The following APPBP2 variants were observed in gnomAD, a reference collection of about 807,000 sequenced individuals.
APPBP2 encodes amyloid beta precursor protein binding protein 2.
Under a neutral mutation model 76.0 loss-of-function variants are expected in APPBP2, and 15 were observed. The ratio of observed to expected loss-of-function variants is 0.20; its 90% CI spans 0.13 to 0.30. The LOEUF is 0.30. Ranked by LOEUF, APPBP2 falls within the 10% of genes least tolerant of loss-of-function variation. The probability of loss-of-function intolerance (pLI) is 1.00; values close to 1 mark genes in which losing one functional copy is unlikely to be tolerated. For missense variants in APPBP2, 401 were observed against 687.2 expected (o/e 0.58, Z 4.66); for synonymous variants, 222 against 242.2 (o/e 0.92, Z 0.77).
chr17:60,470,167 G>T (rs1049143084), intron 4 of APPBP2, among the ~76,000 whole-genome samples: 2 of 152,132 alleles, frequency 1.3e-5, no homozygotes, highest in African/African-American at 4.8e-5. Context: ...AATGCTGAAT[G>T]ACACTATCTT....
chr17:60,467,027 C>T (rs1205584924), intron 4 of APPBP2, among the ~76,000 whole-genome samples: 1 of 150,688 alleles, frequency 6.6e-6, no homozygotes. Context: ...TACAACTATG[C>T]TGACTATTTA....
Position 60,525,873 on chromosome 17 carries a change from G to A in APPBP2, c.59C>T (p.Ala20Val), listed in dbSNP as rs2091049984. The change falls in exon 1 of 13, where the codon GCT (alanine) becomes GTT (valine). Residue 20 changes from alanine to valine, a missense_variant. Ala to Val is a moderately conservative substitution (Grantham distance 64, BLOSUM62 0). Transcript: ENST00000083182. ...PETLYNTAISAVVDNYIRSRR... is the reference protein window; with the variant it reads ...PETLYNTAISVVVDNYIRSRR... ...GGAGCGGATGTAGTTGTCCACGACA[G>A]CGGAGATGGCGGTGTTATAGAGAGT... is the stretch of plus-strand genomic sequence containing the variant. The A allele has an allele frequency of 2.5e-6, 4 of 1,614,026 alleles. No individual in the cohort carries two copies. Among genetic ancestry groups the A allele is most frequent in the African/African-American group, 1.3e-5 (1 of 74,924 alleles).
intron 1 of APPBP2, among the ~76,000 whole-genome samples, chr17:60,522,448 C>G (rs754854296): frequency 2.5e-4 from 38 of 152,086 alleles, no homozygotes; most frequent in Non-Finnish European, 4.0e-4. Flanking sequence ...CTCAGCCTCC[C>G]GAGTAGCTGG....
intron 3 of APPBP2, among the ~76,000 whole-genome samples, chr17:60,487,569 C>A (rs2090690578): frequency 6.6e-6 from 1 of 152,162 alleles, no homozygotes; most frequent in Admixed American, 6.5e-5. Flanking sequence ...CTTCTCTACA[C>A]TGTTTATTCT....
intron 12 of APPBP2, 55 bp downstream of exon 12, chr17:60,451,825 T>C (rs2090397556): frequency 2.1e-6 from 3 of 1,461,996 alleles, no homozygotes; most frequent in African/African-American, 2.8e-5. Flanking sequence ...ATATAAGACA[T>C]GCTGACATGT....
chr17:60,456,168 G>C (rs564096481), intron 10 of APPBP2, 128 bp downstream of exon 10: 2 of 649,822 alleles, frequency 3.1e-6, no homozygotes, highest in African/African-American at 3.7e-5. Flanking sequence ...TGGCTATCTA[G>C]TAATACATAG....
chr17:60,464,142 TG>T, intron 5 of APPBP2, 32 bp from the exon 6 acceptor site: 1 of 1,535,274 alleles, frequency 6.5e-7, no homozygotes, highest in Non-Finnish European at 8.9e-7. Context: ...GAGACAGAAC[TG>T]TGGTTAAATC....
chr17:60,511,960 T>C (rs930030984), intron 1 of APPBP2, among the ~76,000 whole-genome samples: 2 of 152,180 alleles, frequency 1.3e-5, no homozygotes. Context: ...AAGTTCACAC[T>C]GAATATATAG....
rs1445686228 is a variant in APPBP2, at chr17:60,443,627, G to A, written c.*3954C>T. ...CCATAAAAGGAATATACAGAAATGA[G>A]TAATGTTACACAAACGGTACCTGCA... On this transcript the variant is annotated 3_prime_UTR_variant, in exon 13 of 13. Transcript: ENST00000083182. The A allele has an allele frequency of 6.6e-6, 1 of 152,568 alleles. No individual in the cohort carries two copies. The highest frequency in any genetic ancestry group is 1.5e-5 in the Non-Finnish European group (1 of 68,030). The allele number at this position is 152,568 out of a possible 1,614,324, so 9.5% of individuals were successfully genotyped here.
At chr17:60,480,602 T>C (rs1292793485) in intron 3 of APPBP2, among the ~76,000 whole-genome samples, 3 of 152,198 alleles carry the variant, frequency 2.0e-5, no homozygotes, top group East Asian at 1.9e-4. Flanking sequence ...TTTAAAACTT[T>C]CTAGCTTCCT....
chr17:60,460,819 T>C (rs1224419987), intron 8 of APPBP2, 32 bp from the exon 9 acceptor site: 3 of 1,599,800 alleles, frequency 1.9e-6, no homozygotes, highest in Non-Finnish European at 1.7e-6. Flanking sequence ...TTGTCAATAC[T>C]GTAGAAAATA....
In APPBP2 at chr17:60,461,792, G is replaced by A. The variant is rs16944410; in HGVS notation, c.936+18C>T. ...GTCAATACAGGTTGAAAGAAAAAAA[G>A]GGTAACCATTAACATACCTGATAAA... On this transcript the variant is annotated intron_variant, in intron 8 of 12. Coordinates refer to ENST00000083182, the MANE Select transcript of APPBP2 (RefSeq NM_006380.5). 24,250 of 1,549,428 alleles carry A rather than the reference G, an allele frequency of 0.016. 3,151 individuals carry two copies. In the African/African-American group the frequency reaches 0.29, roughly 18 times the overall value.
intron 1 of APPBP2, chr17:60,513,107 C>T (rs1318646009): frequency 1.2e-5 from 3 of 251,750 alleles, no homozygotes; most frequent in Non-Finnish European, 2.3e-5. Context: ...TGCTGTGCAG[C>T]GCCTGAAACC....
chr17:60,452,152 A>G (rs1234250526), intron 11 of APPBP2, 107 bp from the exon 12 acceptor site: 5 of 1,141,974 alleles, frequency 4.4e-6, no homozygotes, highest in East Asian at 2.4e-5. Context: ...TATGAATGCC[A>G]TAAGGTAATC....
intron 11 of APPBP2, among the ~76,000 whole-genome samples, chr17:60,453,104 C>T (rs1379355772): frequency 1.3e-5 from 2 of 152,126 alleles, no homozygotes; most frequent in African/African-American, 4.8e-5. Flanking sequence ...ATATCAAGAA[C>T]TATATACTAA....
rs555300487 is a variant in APPBP2 at position 60,503,919 on chromosome 17, A to G, written c.139-3432T>C. 7.2e-5 allele frequency among the ~76,000 whole-genome samples: 11 copies of G among 152,296 alleles called. 2 individuals are homozygous for G. The highest frequency in any genetic ancestry group is 2.2e-4 in the African/African-American group (9 of 41,546). On this transcript the variant is annotated intron_variant, in intron 1 of 12. Transcript: ENST00000083182. ...ACCCAGGCAGTCTGTCCCTACATCC[A>G]TGTTCTTAACAACTTACCCTATATT...
chr17:60,451,008 A>T (rs1235196147), intron 12 of APPBP2, among the ~76,000 whole-genome samples: 2 of 152,218 alleles, frequency 1.3e-5, no homozygotes, highest in African/African-American at 2.4e-5. Flanking sequence ...TGATGGCCAT[A>T]GATTCCTTAT....
At chr17:60,491,902 C>A (rs1015018068) in intron 3 of APPBP2, among the ~76,000 whole-genome samples, 1 of 152,194 alleles carries the variant, frequency 6.6e-6, no homozygotes, top group Non-Finnish European at 1.5e-5. Context: ...ATCTCCAAGA[C>A]AATGGAGAAA....
At chr17:60,498,936 CTA>C (rs2090799301) in intron 2 of APPBP2, among the ~76,000 whole-genome samples, 1 of 151,896 alleles carries the variant, frequency 6.6e-6, no homozygotes. Flanking sequence ...TTTATCCACT[CTA>C]AATTTTCTGA....
Sources: gnomAD v4.1 joint callset for allele counts (sites outside exome capture counted in the v4.1 genomes callset) on GRCh38, gnomAD v4.1.1 for gene constraint, MANE v1.5 for transcripts, NCBI Gene and HGNC (gene_info 2026-07-23, HGNC 2026-07-21) for gene names.